The following PLCB4 variants were observed in gnomAD, a reference collection of about 807,000 sequenced individuals.
The protein encoded by PLCB4 is 1-phosphatidylinositol 4,5-bisphosphate phosphodiesterase beta-4.
Under a neutral mutation model 178.8 loss-of-function variants are expected in PLCB4, and 77 were observed. The observed-to-expected ratio is 0.43, with a 90% CI of 0.36 to 0.52. The LOEUF is 0.52. PLCB4 is among the 20% of genes least tolerant of loss of function. PLCB4 has a pLI of 0.00. For missense variants in PLCB4, 1,024 were observed against 1,453.4 expected, an observed-to-expected ratio of 0.70 and a Z score of 4.80; for synonymous variants, 496 against 490.8, an observed-to-expected ratio of 1.01 and a Z score of -0.14.
At chr20:9,159,530 A>AGACT (rs1483420020) in intron 2 of PLCB4, among the ~76,000 whole-genome samples, 42 of 152,212 alleles carry the variant, frequency 2.8e-4, no homozygotes, top group Non-Finnish European at 5.1e-4. Flanking sequence ...CAATTCATGA[A>AGACT]CATACTTAAG....
At chr20:9,257,361 T>C (rs1053528823) in intron 3 of PLCB4, among the ~76,000 whole-genome samples, 2 of 152,182 alleles carry the variant, frequency 1.3e-5, no homozygotes, top group Admixed American at 6.5e-5. Flanking sequence ...AAGCTTTAAA[T>C]GTGAGTGAAA....
intron 13 of PLCB4, among the ~76,000 whole-genome samples, chr20:9,381,559 T>C (rs2037144777): frequency 6.6e-6 from 1 of 152,240 alleles, no homozygotes; most frequent in South Asian, 2.1e-4. Context: ...GATTGAGGTG[T>C]GTCCTTGTTT....
intron 32 of PLCB4, among the ~76,000 whole-genome samples, 195 bp downstream of exon 32, chr20:9,444,438 T>C (rs1394636580): frequency 6.6e-6 from 1 of 152,226 alleles, no homozygotes; most frequent in Non-Finnish European, 1.5e-5. Flanking sequence ...AACAATTCTT[T>C]CAAATGCATA....
At chr20:9,418,098 C>G (rs890760368) in intron 25 of PLCB4, among the ~76,000 whole-genome samples, 1 of 152,050 alleles carries the variant, frequency 6.6e-6, no homozygotes, top group African/African-American at 2.4e-5. Context: ...ATATGAATTG[C>G]AAATTTTTTC....
Position 9,479,058 on chromosome 20 carries a change from C to T in PLCB4, c.*49C>T, listed in dbSNP as rs375608152. On this transcript the variant is annotated 3_prime_UTR_variant, in exon 40 of 40. Coordinates refer to ENST00000378473, the MANE Select transcript of PLCB4 (RefSeq NM_001377142.1). Reference sequence around the variant, plus strand: ...AAAGACTCACTCACAAACTTCTGAACACAAACTCCATGGATGAAAGCTGTT... The same window carrying T: ...AAAGACTCACTCACAAACTTCTGAATACAAACTCCATGGATGAAAGCTGTT... 45 of 1,260,608 alleles carry T rather than the reference C, an allele frequency of 3.6e-5. No individual in the cohort carries two copies. The highest frequency in any genetic ancestry group is 5.1e-5 in the Non-Finnish European group (44 of 862,620). 78.1% of individuals were successfully genotyped at this position (1,260,608 alleles called of 1,614,324 possible).
intron 2 of PLCB4, among the ~76,000 whole-genome samples, chr20:9,112,901 C>T (rs1199222501): frequency 6.6e-6 from 1 of 151,300 alleles, no homozygotes; most frequent in Non-Finnish European, 1.5e-5. Context: ...AAAAAAAATT[C>T]AGCTTCTCAA....
intron 29 of PLCB4, 80 bp from the exon 30 acceptor site, chr20:9,436,922 A>T: frequency 1.5e-6 from 2 of 1,338,582 alleles, no homozygotes; most frequent in Non-Finnish European, 2.1e-6. Flanking sequence ...AGTTTACTGG[A>T]TTCAGTAAAA....
chr20:9,290,907 T>G (rs1025721814), intron 3 of PLCB4, among the ~76,000 whole-genome samples: 1 of 152,048 alleles, frequency 6.6e-6, no homozygotes, highest in African/African-American at 2.4e-5. Context: ...TCAGATAAAT[T>G]ACAGTTTCAG....
rs566487766 is a variant in PLCB4, at chr20:9,097,896, G to A, written c.-79+1554G>A. On this transcript the variant is annotated intron_variant, in intron 2 of 39. Coordinates refer to ENST00000378473, the MANE Select transcript of PLCB4 (RefSeq NM_001377142.1). ...TGATTTCCAAATTGGAAATAGAGGA[G>A]TTGAAGCTGAGTTGTAATGTTCGGC... 5.3e-5 allele frequency among the ~76,000 whole-genome samples: 8 copies of A among 152,316 alleles called. No homozygotes were observed. The South Asian group carries it at 1.7e-3, about 32-fold the overall frequency.
intron 7 of PLCB4, among the ~76,000 whole-genome samples, chr20:9,361,775 C>G (rs904274668): frequency 6.6e-6 from 1 of 152,166 alleles, no homozygotes; most frequent in Admixed American, 6.5e-5. Flanking sequence ...CTTTTTAAAA[C>G]CTGGTTCTAC....
chr20:9,220,398 G>A (rs184356835), intron 3 of PLCB4, among the ~76,000 whole-genome samples: 1 of 152,260 alleles, frequency 6.6e-6, no homozygotes, highest in East Asian at 1.9e-4. Flanking sequence ...TTGGGAGGCC[G>A]AGGCATGCGG....
Position 9,472,407 on chromosome 20 carries a change from T to C in PLCB4, c.3351-383T>C, listed in dbSNP as rs79374247. Among the ~76,000 whole-genome samples, 930 of 152,314 alleles carry C rather than the reference T, an allele frequency of 6.1e-3. 9 individuals carry two copies. The highest frequency in any genetic ancestry group is 0.021 in the African/African-American group (855 of 41,564). ...TACACATGGGCACATCTGTATGTGG[T>C]TTAAAATATTAAAACATGGGTGAGA... On this transcript the variant is annotated intron_variant, in intron 36 of 39. Coordinates refer to ENST00000378473, the MANE Select transcript of PLCB4 (RefSeq NM_001377142.1).
intron 2 of PLCB4, among the ~76,000 whole-genome samples, chr20:9,151,463 G>T (rs190044727): frequency 3.0e-4 from 46 of 152,158 alleles, no homozygotes; most frequent in African/African-American, 1.0e-3. Flanking sequence ...CATGGGGGTT[G>T]GTCTTTGCTG....
chr20:9,282,548 A>G (rs1203817954), intron 3 of PLCB4, among the ~76,000 whole-genome samples: 3 of 151,638 alleles, frequency 2.0e-5, no homozygotes, highest in African/African-American at 7.3e-5. Context: ...TCTCCTTAAT[A>G]CTCTTCAATA....
chr20:9,450,276 A>G (rs1055956178), intron 32 of PLCB4, among the ~76,000 whole-genome samples: 1 of 152,158 alleles, frequency 6.6e-6, no homozygotes, highest in African/African-American at 2.4e-5. Flanking sequence ...TTAAGCTAAG[A>G]TGGACTTAGA....
At chr20:9,100,835 G>C (rs1358717080) in intron 2 of PLCB4, among the ~76,000 whole-genome samples, 2 of 151,954 alleles carry the variant, frequency 1.3e-5, no homozygotes, top group Non-Finnish European at 2.9e-5. Context: ...TTCCTCCTGT[G>C]CGCTGATTCC....
rs374596013 is a variant in PLCB4 at position 9,262,180 on chromosome 20, C to T, written c.-16+44728C>T. ...CTTTTGGGATATGGGGACCCAAGAA[C>T]GAGTGCCATCTGAGAACCATTAACT... On this transcript the variant is annotated intron_variant, in intron 3 of 39. Coordinates refer to ENST00000378473, the MANE Select transcript of PLCB4 (RefSeq NM_001377142.1). Among the ~76,000 whole-genome samples the T allele has an allele frequency of 3.3e-5, 5 of 152,086 alleles. No individual in the cohort carries two copies. In the East Asian group the frequency reaches 9.6e-4, roughly 29 times the overall value.
At chr20:9,355,279 A>AT (rs2034699179) in intron 7 of PLCB4, among the ~76,000 whole-genome samples, 1 of 149,568 alleles carries the variant, frequency 6.7e-6, no homozygotes, top group South Asian at 2.1e-4. Flanking sequence ...AAATTTTTTT[A>AT]TTTTTTATAT....
chr20:9,120,408 G>A (rs190360739), intron 2 of PLCB4, among the ~76,000 whole-genome samples: 160 of 152,182 alleles, frequency 1.1e-3, no homozygotes, highest in African/African-American at 3.6e-3. Flanking sequence ...GATTACAGGA[G>A]TGAGCCACCG....
Sources: gnomAD v4.1 joint callset for allele counts (sites outside exome capture counted in the v4.1 genomes callset) on GRCh38, gnomAD v4.1.1 for gene constraint, MANE v1.5 for transcripts, NCBI Gene and HGNC (gene_info 2026-07-23, HGNC 2026-07-21) for gene names.